KCNMB2: variants seen among roughly 807,000 people sequenced by gnomAD.
KCNMB2 encodes the protein calcium-activated potassium channel subunit beta-2.
KCNMB2 carries 9 observed loss-of-function variants against 24.5 expected under a neutral mutation model. That is an observed-to-expected ratio of 0.37 (90% CI 0.22 to 0.64). KCNMB2 has a LOEUF of 0.64. Ranked by LOEUF, KCNMB2 falls within the 30% of genes least tolerant of loss-of-function variation. The pLI is 0.63. For synonymous variants in KCNMB2, 109 were observed against 104.4 expected (o/e 1.04, Z -0.27); for missense variants, 226 against 284.3 (o/e 0.79, Z 1.47).
At chr3:178,544,931 C>A in intron 1 of KCNMB2, among the ~76,000 whole-genome samples, 1 of 152,030 alleles carries the variant, frequency 6.6e-6, no homozygotes, top group Admixed American at 6.6e-5. Flanking sequence ...TAAAAACAAC[C>A]TCTTGATTAA....
At chr3:178,549,414 G>A (rs886360615) in intron 1 of KCNMB2, among the ~76,000 whole-genome samples, 6 of 148,116 alleles carry the variant, frequency 4.1e-5, no homozygotes, top group East Asian at 2.0e-4. Flanking sequence ...GGGTTCAAGC[G>A]ATTCTCCTGC....
chr3:178,638,693 C>T (rs942860373), intron 1 of KCNMB2, among the ~76,000 whole-genome samples: 5 of 152,238 alleles, frequency 3.3e-5, no homozygotes, highest in Non-Finnish European at 7.4e-5. Context: ...AGGTTGAAGT[C>T]TCATCAGAGG....
At chr3:178,735,566 G>A (rs1364965952) in intron 1 of KCNMB2, among the ~76,000 whole-genome samples, 2 of 152,180 alleles carry the variant, frequency 1.3e-5, no homozygotes, top group Non-Finnish European at 2.9e-5. Flanking sequence ...ACAACTCACT[G>A]TGCCATGACT....
chr3:178,801,451 G>A (rs1003743756), intron 1 of KCNMB2, among the ~76,000 whole-genome samples: 9 of 152,036 alleles, frequency 5.9e-5, no homozygotes, highest in Non-Finnish European at 1.3e-4. Context: ...TCTACAACTG[G>A]GCAGTAAGCA....
At chr3:178,666,095 G>A (rs1274947094) in intron 1 of KCNMB2, among the ~76,000 whole-genome samples, 1 of 152,120 alleles carries the variant, frequency 6.6e-6, no homozygotes, top group African/African-American at 2.4e-5. Context: ...CAGCAGACCA[G>A]GGAAGTAGGT....
At chr3:178,743,788 A>G (rs562539737) in intron 1 of KCNMB2, among the ~76,000 whole-genome samples, 2 of 152,356 alleles carry the variant, frequency 1.3e-5, no homozygotes, top group Middle Eastern at 3.4e-3. Flanking sequence ...TATAAGCTCC[A>G]GCATTAAATT....
chr3:178,625,314 AC>A (rs1719074286), intron 1 of KCNMB2, among the ~76,000 whole-genome samples: 2 of 151,926 alleles, frequency 1.3e-5, no homozygotes. Flanking sequence ...CGGGGAGAAG[AC>A]CCCAGGCCCA....
chr3:178,711,525 C>A (rs945386406), intron 1 of KCNMB2, among the ~76,000 whole-genome samples: 9 of 152,018 alleles, frequency 5.9e-5, no homozygotes, highest in Non-Finnish European at 1.3e-4. Flanking sequence ...AAGATTTGGT[C>A]ATAAGACACT....
chr3:178,763,212 A>G (rs1054036260), intron 1 of KCNMB2, among the ~76,000 whole-genome samples: 2 of 152,216 alleles, frequency 1.3e-5, no homozygotes, highest in Non-Finnish European at 2.9e-5. Context: ...AGGGAACTGT[A>G]GGTGATGGTT....
At chr3:178,727,068 A>T (rs1038128020) in intron 1 of KCNMB2, among the ~76,000 whole-genome samples, 37 of 152,266 alleles carry the variant, frequency 2.4e-4, no homozygotes, top group African/African-American at 8.2e-4. Context: ...TAGAATAAGT[A>T]AGCTAATAAC....
intron 1 of KCNMB2, among the ~76,000 whole-genome samples, chr3:178,702,164 C>T (rs1722122020): frequency 1.3e-5 from 2 of 151,352 alleles, no homozygotes. Flanking sequence ...CCATCATTCT[C>T]AGCAAACTAT....
At chr3:178,710,777 T>C (rs1226915125) in intron 1 of KCNMB2, among the ~76,000 whole-genome samples, 1 of 152,224 alleles carries the variant, frequency 6.6e-6, no homozygotes, top group Non-Finnish European at 1.5e-5. Flanking sequence ...CTTGAGGCTC[T>C]TATTAATTTT....
intron 1 of KCNMB2, among the ~76,000 whole-genome samples, chr3:178,768,305 C>T (rs1174194359): frequency 6.6e-6 from 1 of 152,076 alleles, no homozygotes; most frequent in African/African-American, 2.4e-5. Context: ...TCTCCACTGA[C>T]TTCATAAGAC....
intron 1 of KCNMB2, among the ~76,000 whole-genome samples, chr3:178,585,586 G>A (rs973565246): frequency 3.3e-5 from 5 of 152,120 alleles, no homozygotes; most frequent in African/African-American, 1.2e-4. Context: ...TCTTATCTGG[G>A]TATTTGAATA....
intron 1 of KCNMB2, among the ~76,000 whole-genome samples, chr3:178,756,478 T>C (rs983155576): frequency 6.6e-6 from 1 of 152,164 alleles, no homozygotes; most frequent in South Asian, 2.1e-4. Flanking sequence ...GAAATATGAC[T>C]TCATATATAT....
In KCNMB2 at chr3:178,819,069, T is replaced by C. The variant is rs368675438; in HGVS notation, c.57-6519T>C. Among the ~76,000 whole-genome samples the C allele has an allele frequency of 1.2e-3, 180 of 152,334 alleles. 1 individual carries two copies. The highest frequency in any genetic ancestry group is 4.1e-3 in the African/African-American group (170 of 41,576). On this transcript the variant is annotated intron_variant, in intron 2 of 4. Transcript: ENST00000452583. The stretch of plus-strand genomic sequence containing the variant: ...CCTTTGAGCTTGTAAATCATAGCCC[T>C]GGGCCAATTTAATCCATAACATGTC...
intron 1 of KCNMB2, among the ~76,000 whole-genome samples, chr3:178,593,543 C>T (rs1717755831): frequency 6.6e-6 from 1 of 151,986 alleles, no homozygotes; most frequent in Admixed American, 6.6e-5. Context: ...ATTCTCCCCA[C>T]TACAATCTAC....
chr3:178,751,218 A>C (rs894061257), intron 1 of KCNMB2, among the ~76,000 whole-genome samples: 6 of 152,192 alleles, frequency 3.9e-5, no homozygotes, highest in African/African-American at 1.4e-4. Context: ...AGAAGACCAG[A>C]GTAAAGGTAT....
chr3:178,614,548 C>T (rs989654158), intron 1 of KCNMB2, among the ~76,000 whole-genome samples: 1 of 151,688 alleles, frequency 6.6e-6, no homozygotes, highest in African/African-American at 2.4e-5. Flanking sequence ...GACCTGCCCC[C>T]ATGATTCAAT....
Sources: allele counts gnomAD v4.1 joint callset (sites outside exome capture counted in the v4.1 genomes callset), GRCh38; gene constraint gnomAD v4.1.1; transcripts MANE v1.5; gene names NCBI Gene and HGNC (gene_info 2026-07-23, HGNC 2026-07-21).